The following SLC25A24 variants were observed in gnomAD, a reference collection of about 807,000 sequenced individuals.
The protein encoded by SLC25A24 is mitochondrial adenyl nucleotide antiporter SLC25A24.
In SLC25A24, 49 loss-of-function variants were observed where a neutral mutation model predicts 60.7. The observed-to-expected ratio is 0.81, with a 90% CI of 0.64 to 1.02. SLC25A24 has a LOEUF of 1.02. SLC25A24 is among the 50% of genes least tolerant of loss of function. The probability of loss-of-function intolerance (pLI) is 0.00; values close to 1 mark genes in which losing one functional copy is unlikely to be tolerated. For synonymous variants in SLC25A24, 202 were observed against 200.6 expected (o/e 1.01, Z -0.06); for missense variants, 564 against 586.3 (o/e 0.96, Z 0.39).
chr1:108,184,530 T>C (rs1648051748), intron 2 of SLC25A24, among the ~76,000 whole-genome samples: 2 of 152,240 alleles, frequency 1.3e-5, no homozygotes, highest in South Asian at 4.1e-4. Flanking sequence ...CAAAATCATC[T>C]AGAGTTTAGT....
intron 8 of SLC25A24, among the ~76,000 whole-genome samples, chr1:108,141,063 GAC>G (rs1278821109): frequency 6.6e-6 from 1 of 152,078 alleles, no homozygotes; most frequent in Admixed American, 6.5e-5. Flanking sequence ...TAGATCTAAG[GAC>G]ACACATAAGC....
At chr1:108,163,642 G>T (rs1245026141) in intron 3 of SLC25A24, among the ~76,000 whole-genome samples, 1 of 151,804 alleles carries the variant, frequency 6.6e-6, no homozygotes, top group Non-Finnish European at 1.5e-5. Flanking sequence ...CATTGATTTT[G>T]TATCCTGAGA....
chr1:108,186,304 T>C (rs1254096270), intron 1 of SLC25A24, among the ~76,000 whole-genome samples: 1 of 152,142 alleles, frequency 6.6e-6, no homozygotes. Context: ...TTTAAAATAT[T>C]GCAGCACTTT....
At chr1:108,138,592 G>A (rs574243067) in intron 9 of SLC25A24, among the ~76,000 whole-genome samples, 119 of 152,150 alleles carry the variant, frequency 7.8e-4, no homozygotes, top group Non-Finnish European at 1.3e-3. Context: ...TAGGGTCTAC[G>A]CAACACTAAA....
At chr1:108,165,209 C>A (rs1571294980) in intron 3 of SLC25A24, among the ~76,000 whole-genome samples, 1 of 152,140 alleles carries the variant, frequency 6.6e-6, no homozygotes, top group South Asian at 2.1e-4. Context: ...TGCTTTACTT[C>A]CAAGTATGTG....
chr1:108,199,915 A>T, intron 1 of SLC25A24, 41 bp downstream of exon 1: 2 of 1,516,338 alleles, frequency 1.3e-6, no homozygotes, highest in South Asian at 1.2e-5. Context: ...CAGCGCCCGC[A>T]GCCCTCCCTA....
intron 6 of SLC25A24, among the ~76,000 whole-genome samples, chr1:108,150,799 C>A (rs1430089394): frequency 6.6e-6 from 1 of 152,204 alleles, no homozygotes; most frequent in African/African-American, 2.4e-5. Context: ...ACACAAACTC[C>A]CTTGAAACAC....
At chr1:108,142,861 A>C (rs1388947389) in intron 8 of SLC25A24, among the ~76,000 whole-genome samples, 1 of 152,110 alleles carries the variant, frequency 6.6e-6, no homozygotes, top group African/African-American at 2.4e-5. Context: ...ATATGAACTA[A>C]ATCTCAATAA....
rs1679223817 is a variant in SLC25A24 at position 108,134,392 on chromosome 1, T to C, written c.*2261A>G. The C allele has an allele frequency of 2.0e-5, 3 of 152,366 alleles. No individual in the cohort carries two copies. In the East Asian group the frequency reaches 5.8e-4, roughly 29 times the overall value. 9.4% of individuals were successfully genotyped at this position (152,366 alleles called of 1,614,324 possible). ...CAAATTTTGGATGTAATCTGCATTA[T>C]GAAATTTTAAAAAATTACTTACCAG... On this transcript the variant is annotated 3_prime_UTR_variant, in exon 10 of 10. Coordinates refer to ENST00000565488, the MANE Select transcript of SLC25A24 (RefSeq NM_013386.5).
chr1:108,171,042 A>C (rs140748512), intron 3 of SLC25A24, among the ~76,000 whole-genome samples: 1 of 152,150 alleles, frequency 6.6e-6, no homozygotes, highest in African/African-American at 2.4e-5. Context: ...TTTATTTCTC[A>C]CATCTTACCT....
At chr1:108,175,266 G>A (rs1213306747) in intron 3 of SLC25A24, among the ~76,000 whole-genome samples, 2 of 152,146 alleles carry the variant, frequency 1.3e-5, no homozygotes, top group Non-Finnish European at 2.9e-5. Context: ...TCTCATGATA[G>A]TGAGTAACTT....
At chr1:108,173,674 G>T (rs1647564033) in intron 3 of SLC25A24, among the ~76,000 whole-genome samples, 1 of 152,206 alleles carries the variant, frequency 6.6e-6, no homozygotes. Context: ...GACTGGGAAA[G>T]TTTGGAACTT....
rs149553000 is a variant in SLC25A24 at position 108,178,163 on chromosome 1, A to AACAAC, written c.398+3777_398+3778insGTTGT. On this transcript the variant is annotated intron_variant, in intron 3 of 9. Coordinates refer to ENST00000565488, the MANE Select transcript of SLC25A24 (RefSeq NM_013386.5). The stretch of plus-strand genomic sequence containing the variant: ...GTGACAGAGTGAGACTCCGTCTCAA[A>AACAAC]AACAACAACAACAACAACAACAACA... Among the ~76,000 whole-genome samples the AACAAC allele has an allele frequency of 9.6e-3, 1,434 of 150,146 alleles. 92 individuals carry two copies. The East Asian group carries it at 0.18, about 19-fold the overall frequency.
chr1:108,172,643 G>T (rs539023513), intron 3 of SLC25A24, among the ~76,000 whole-genome samples: 46 of 152,242 alleles, frequency 3.0e-4, no homozygotes, highest in African/African-American at 1.1e-3. Flanking sequence ...AACACTGGAG[G>T]TCATATTTCA....
intron 8 of SLC25A24, 105 bp from the exon 9 acceptor site, chr1:108,139,313 T>C (rs1679379732): frequency 2.5e-6 from 3 of 1,203,288 alleles, no homozygotes; most frequent in Non-Finnish European, 3.4e-6. Flanking sequence ...TTCTGCAGGA[T>C]GAGGCCACGC....
At chr1:108,159,027 CA>C (rs932967051) in intron 4 of SLC25A24, among the ~76,000 whole-genome samples, 3 of 152,010 alleles carry the variant, frequency 2.0e-5, no homozygotes, top group African/African-American at 7.2e-5. Flanking sequence ...AAAACAAAAA[CA>C]AAAACAAAAA....
intron 3 of SLC25A24, among the ~76,000 whole-genome samples, chr1:108,176,080 AG>A (rs1647664348): frequency 6.6e-6 from 1 of 152,218 alleles, no homozygotes; most frequent in Non-Finnish European, 1.5e-5. Flanking sequence ...TAGAATTCAA[AG>A]AAAGCTCAGC....
chr1:108,183,496 C>T (rs1356143347), intron 2 of SLC25A24, among the ~76,000 whole-genome samples: 2 of 152,134 alleles, frequency 1.3e-5, no homozygotes, highest in Non-Finnish European at 2.9e-5. Flanking sequence ...TTCCTGTGAG[C>T]CTCTGATTAC....
chr1:108,198,657 C>T (rs897663121), intron 1 of SLC25A24: 1 of 152,220 alleles, frequency 6.6e-6, no homozygotes, highest in African/African-American at 2.4e-5. Context: ...CTCAGGATCC[C>T]TTTACAATCT....
Sources: allele counts gnomAD v4.1 joint callset (sites outside exome capture counted in the v4.1 genomes callset), GRCh38; gene constraint gnomAD v4.1.1; transcripts MANE v1.5; gene names NCBI Gene and HGNC (gene_info 2026-07-23, HGNC 2026-07-21).